GALNT13: variants seen among roughly 807,000 people sequenced by gnomAD.
GALNT13 encodes the protein UDP-GalNAc:polypeptide N-acetylgalactosaminyltransferase 13.
GALNT13 carries 28 observed loss-of-function variants against 64.2 expected under a neutral mutation model. That is an observed-to-expected ratio of 0.44 (90% CI 0.32 to 0.60). The LOEUF is 0.60. Ranked by LOEUF, GALNT13 falls within the 20% of genes least tolerant of loss-of-function variation. The pLI, the probability that GALNT13 is intolerant of heterozygous loss-of-function variation, is 0.05. For synonymous variants in GALNT13, 214 were observed against 224.6 expected (o/e 0.95, Z 0.42); for missense variants, 577 against 669.8 (o/e 0.86, Z 1.53).
At chr2:153,505,050 A>G in the GALNT13 span, among the ~76,000 whole-genome samples, 104 of 152,052 alleles carry the variant, frequency 6.8e-4, no homozygotes, top group Non-Finnish European at 1.2e-3. Context: ...TCCCATTTCA[A>G]TCTGGCTGCT....
chr2:153,380,446 TGGGCAACACAGCAAGATCCTCTCTCTAA>T, the GALNT13 span, among the ~76,000 whole-genome samples: 1 of 152,050 alleles, frequency 6.6e-6, no homozygotes, highest in African/African-American at 2.4e-5. Context: ...CCCTCCATCC[TGGGCAACACAGCAAGATCCTCTCTCTAA>T]ATAATAATAA....
intron 1 of GALNT13, among the ~76,000 whole-genome samples, chr2:153,889,539 A>G (rs999030847): frequency 1.3e-5 from 2 of 151,986 alleles, no homozygotes; most frequent in African/African-American, 4.8e-5. Flanking sequence ...AAATTTTATT[A>G]TGTGATTTTA....
At chr2:153,105,525 A>C in the GALNT13 span, among the ~76,000 whole-genome samples, 13 of 152,210 alleles carry the variant, frequency 8.5e-5, 1 homozygote, top group African/African-American at 2.6e-4. Flanking sequence ...CTGGCCAGGG[A>C]AATCAGGCAG....
At chr2:153,381,385 G>A in the GALNT13 span, among the ~76,000 whole-genome samples, 13 of 152,098 alleles carry the variant, frequency 8.5e-5, no homozygotes, top group African/African-American at 2.4e-4. Flanking sequence ...TGCCCAAATG[G>A]AGAAGAGAAC....
intron 3 of GALNT13, among the ~76,000 whole-genome samples, chr2:154,044,447 T>C (rs1699178024): frequency 6.6e-6 from 1 of 152,220 alleles, no homozygotes; most frequent in Non-Finnish European, 1.5e-5. Context: ...AAGATGATGT[T>C]AGCTTGGAGA....
intron 2 of GALNT13, among the ~76,000 whole-genome samples, chr2:153,924,126 T>C (rs1468327806): frequency 3.9e-5 from 6 of 152,158 alleles, no homozygotes; most frequent in Non-Finnish European, 7.4e-5. Context: ...ATGTGTTCCA[T>C]TGTGGTTTGC....
chr2:153,446,368 T>C, the GALNT13 span, among the ~76,000 whole-genome samples: 1 of 152,198 alleles, frequency 6.6e-6, no homozygotes, highest in African/African-American at 2.4e-5. Context: ...CACAACTTAT[T>C]TTGGCTGAGT....
chr2:153,724,539 T>A, the GALNT13 span, among the ~76,000 whole-genome samples: 1 of 105,818 alleles, frequency 9.5e-6, no homozygotes, highest in African/African-American at 4.9e-5. Flanking sequence ...TGGGAGAAAA[T>A]TTTCACAACC....
chr2:154,433,750 C>CAAAA (rs5835516), intron 11 of GALNT13, among the ~76,000 whole-genome samples: 2 of 144,528 alleles, frequency 1.4e-5, no homozygotes, highest in South Asian at 2.2e-4. Context: ...ACAGGTTAGC[C>CAAAA]AAAAAAAAAA....
chr2:153,221,585 C>T, the GALNT13 span, among the ~76,000 whole-genome samples: 2 of 152,174 alleles, frequency 1.3e-5, no homozygotes, highest in Admixed American at 6.5e-5. Flanking sequence ...GAGTTTTGCT[C>T]GGGCCTGCTT....
chr2:153,593,866 G>A, the GALNT13 span, among the ~76,000 whole-genome samples: 1 of 152,066 alleles, frequency 6.6e-6, no homozygotes, highest in African/African-American at 2.4e-5. Context: ...TGGCCTTTCT[G>A]CTTCTTTGAA....
At chr2:153,967,419 G>C (rs1693445258) in intron 3 of GALNT13, among the ~76,000 whole-genome samples, 1 of 152,126 alleles carries the variant, frequency 6.6e-6, no homozygotes, top group Admixed American at 6.5e-5. Context: ...TGTTACCTAA[G>C]CTTGTCGTCA....
At chr2:153,862,762 A>C in the GALNT13 span, among the ~76,000 whole-genome samples, 3 of 152,080 alleles carry the variant, frequency 2.0e-5, no homozygotes, top group African/African-American at 7.2e-5. Flanking sequence ...TACGTAAGAT[A>C]ATTACTACGT....
intron 3 of GALNT13, among the ~76,000 whole-genome samples, chr2:153,954,373 A>G (rs1196443936): frequency 6.6e-6 from 1 of 152,016 alleles, no homozygotes; most frequent in African/African-American, 2.4e-5. Context: ...ATTGATTTGG[A>G]TTAAGGGCAT....
the GALNT13 span, among the ~76,000 whole-genome samples, chr2:153,632,176 GT>G: frequency 6.0e-3 from 916 of 152,168 alleles, 6 homozygotes; most frequent in Non-Finnish European, 8.6e-3. Context: ...TTTACTACAA[GT>G]TTTTTCCTGG....
intron 2 of GALNT13, among the ~76,000 whole-genome samples, chr2:153,939,648 G>A (rs1460498254): frequency 6.6e-6 from 1 of 152,162 alleles, no homozygotes; most frequent in Non-Finnish European, 1.5e-5. Flanking sequence ...TATACACTGA[G>A]CATGCAATGT....
the GALNT13 span, among the ~76,000 whole-genome samples, chr2:153,767,084 T>A: frequency 1.3e-5 from 2 of 152,152 alleles, no homozygotes; most frequent in Non-Finnish European, 2.9e-5. Context: ...AGGTAATTTT[T>A]CAAAACTCAC....
chr2:153,216,940 A>G, the GALNT13 span, among the ~76,000 whole-genome samples: 1 of 151,882 alleles, frequency 6.6e-6, no homozygotes, highest in African/African-American at 2.4e-5. Flanking sequence ...TAGGTTTTAC[A>G]TTTAGTTCTA....
chr2:154,132,254 T>C (rs1558976121), intron 3 of GALNT13, among the ~76,000 whole-genome samples: 1 of 152,186 alleles, frequency 6.6e-6, no homozygotes, highest in Non-Finnish European at 1.5e-5. Context: ...AAAATATAGA[T>C]AATGCAAATG....
Sources: allele counts gnomAD v4.1 joint callset (sites outside exome capture counted in the v4.1 genomes callset), GRCh38; gene constraint gnomAD v4.1.1; transcripts MANE v1.5; gene names NCBI Gene and HGNC (gene_info 2026-07-23, HGNC 2026-07-21).